The following STAMBPL1 variants were observed in gnomAD, a reference collection of about 807,000 sequenced individuals.
The protein encoded by STAMBPL1 is STAM binding protein like 1.
In STAMBPL1, 44 loss-of-function variants were observed where a neutral mutation model predicts 52.9. That is an observed-to-expected ratio of 0.83 (90% CI 0.65 to 1.07). The LOEUF is 1.07. STAMBPL1 is among the 50% of genes least tolerant of loss of function. STAMBPL1 has a pLI of 0.00. For missense variants in STAMBPL1, 511 were observed against 520.8 expected, an observed-to-expected ratio of 0.98 and a Z score of 0.18; for synonymous variants, 164 against 177.3, an observed-to-expected ratio of 0.92 and a Z score of 0.60.
chr10:88,894,331 G>A (rs1000467854), intron 1 of STAMBPL1, among the ~76,000 whole-genome samples: 4 of 151,916 alleles, frequency 2.6e-5, no homozygotes, highest in African/African-American at 9.7e-5. Flanking sequence ...GCCAGGGAAC[G>A]AAAGCATTCT....
rs1589381016 is a variant in STAMBPL1 at position 88,920,022 on chromosome 10, T to G, written c.1042-1261T>G. Among the ~76,000 whole-genome samples, 10 of 152,172 alleles carry G rather than the reference T, an allele frequency of 6.6e-5. No homozygotes were observed. In the South Asian group the frequency reaches 1.7e-3, roughly 25 times the overall value. On this transcript the variant is annotated intron_variant, in intron 8 of 10. Coordinates refer to ENST00000371926, the MANE Select transcript of STAMBPL1 (RefSeq NM_020799.4). ...TAGCTAATTAAAAAAACTTTTTTTT[T>G]GTTTGTTTTGGAGAGATGGAGTCTA...
At position 88,923,220 on chromosome 10, in the gene STAMBPL1, G is replaced by C; in HGVS notation, c.1307G>C (p.Arg436Thr). 1 of 1,605,058 alleles carries C rather than the reference G, an allele frequency of 6.2e-7. No individual in the cohort carries two copies. The highest frequency in any genetic ancestry group is 8.5e-7 in the Non-Finnish European group (1 of 1,177,884). ...KDIKIIVLDL[R>T] ...ATAAAAATAATTGTGTTGGATCTGA[G>C]GTGATATGTTCTGAATGTAAGCACC... is the stretch of plus-strand genomic sequence containing the variant. Residue 436 changes from arginine (R) to threonine (T), a missense_variant, in exon 11 of 11, where the codon AGG becomes ACG. Transcript: ENST00000371926.
intron 1 of STAMBPL1, among the ~76,000 whole-genome samples, chr10:88,898,243 G>A (rs1844859746): frequency 6.6e-6 from 1 of 152,128 alleles, no homozygotes; most frequent in African/African-American, 2.4e-5. Flanking sequence ...GAGTATGCAA[G>A]TAAGCATTCC....
chr10:88,916,596 T>G, intron 7 of STAMBPL1, 84 bp from the exon 8 acceptor site: 1 of 1,410,592 alleles, frequency 7.1e-7, no homozygotes, highest in Admixed American at 2.6e-5. Context: ...GGGGACTCTT[T>G]AGTCTTAAAC....
chr10:88,908,731 G>C lies in STAMBPL1; in HGVS notation c.278G>C (p.Arg93Pro), dbSNP rs181446155. The change falls in exon 4 of 11, where the codon CGA becomes CCA. Residue 93 changes from arginine (R) to proline (P), a missense_variant. This residue lies in a region of STAMBPL1 where 358 missense variants were observed against 343.5 expected (regional missense o/e 1.04). Transcript: ENST00000371926. The part of the protein sequence containing the change: ...TLFVEKLPNH[R>P]DYQQCAVPEK... ...TTTGTAGAAAAGCTTCCTAACCATC[G>C]AGATTACCAGCAATGTGCAGTACCT... 9 of 1,609,392 alleles carry C rather than the reference G, an allele frequency of 5.6e-6. No homozygotes were observed.
chr10:88,921,392 A>G lies in STAMBPL1; in HGVS notation c.1151A>G (p.Lys384Arg). The G allele has an allele frequency of 6.2e-7, 1 of 1,611,770 alleles. No individual in the cohort carries two copies. The highest frequency in any genetic ancestry group is 2.2e-5 in the East Asian group (1 of 44,836). ...GCCATTGTTTGCTCACCAAAGCATAAAGAGTAAGTGTAACTCTTCAGGGGA... is the reference window on the plus strand; with the variant it reads ...GCCATTGTTTGCTCACCAAAGCATAGAGAGTAAGTGTAACTCTTCAGGGGA... ...AIAIVCSPKH[K>R]DTGIFRLTNA... Residue 384 changes from lysine (K) to arginine (R), a missense_variant, in exon 9 of 11, where the codon AAA becomes AGA. Lys to Arg is a conservative substitution (Grantham distance 26). This residue lies in a region of STAMBPL1 where 137 missense variants were observed against 139.9 expected (regional missense o/e 0.98). Transcript: ENST00000371926.
intron 1 of STAMBPL1, among the ~76,000 whole-genome samples, chr10:88,890,395 C>T (rs1385958262): frequency 6.6e-6 from 1 of 152,184 alleles, no homozygotes; most frequent in African/African-American, 2.4e-5. Flanking sequence ...GAAACAAATA[C>T]AACAACTAGG....
intron 7 of STAMBPL1, among the ~76,000 whole-genome samples, 199 bp from the exon 8 acceptor site, chr10:88,916,481 A>G (rs1447604688): frequency 6.8e-6 from 1 of 146,946 alleles, no homozygotes; most frequent in Non-Finnish European, 1.5e-5. Flanking sequence ...CAAAGAATCC[A>G]TTTTTACTGT....
chr10:88,914,743 A>G (rs1264920560), intron 7 of STAMBPL1, 85 bp downstream of exon 7: 1 of 547,560 alleles, frequency 1.8e-6, no homozygotes, highest in Non-Finnish European at 2.6e-6. Context: ...GATAAGTGGA[A>G]CAGAATAAAA....
chr10:88,923,326 T>A lies in STAMBPL1; in HGVS notation c.*102T>A. 1 of 1,437,176 alleles carries A rather than the reference T, an allele frequency of 7.0e-7. No individual in the cohort carries two copies. The highest frequency in any genetic ancestry group is 9.1e-7 in the Non-Finnish European group (1 of 1,097,708). 89.0% of individuals were successfully genotyped at this position (1,437,176 alleles called of 1,614,324 possible). On this transcript the variant is annotated 3_prime_UTR_variant, in exon 11 of 11. Coordinates refer to ENST00000371926, the MANE Select transcript of STAMBPL1 (RefSeq NM_020799.4). ...TTCCAGAAATGACTGATATTTTATATTTATACATTTTAGATGACAAAGCTT... is the reference window on the plus strand; with the variant it reads ...TTCCAGAAATGACTGATATTTTATAATTATACATTTTAGATGACAAAGCTT...
At chr10:88,921,260 A>C in intron 8 of STAMBPL1, 23 bp from the exon 9 acceptor site, 2 of 1,588,416 alleles carry the variant, frequency 1.3e-6, no homozygotes, top group African/African-American at 1.3e-5. Context: ...TCCTAGTAAG[A>C]TTATCTTATT....
intron 1 of STAMBPL1, among the ~76,000 whole-genome samples, chr10:88,885,347 G>C (rs1270000240): frequency 6.6e-6 from 1 of 152,054 alleles, no homozygotes; most frequent in Admixed American, 6.6e-5. Flanking sequence ...GATTATAACT[G>C]TTTCTCCTTG....
At chr10:88,908,648 A>G in intron 3 of STAMBPL1, 54 bp from the exon 4 acceptor site, 1 of 1,415,314 alleles carries the variant, frequency 7.1e-7, no homozygotes, top group African/African-American at 1.4e-5. Context: ...ATTAGAAAGC[A>G]TTATTGAACT....
intron 3 of STAMBPL1, among the ~76,000 whole-genome samples, chr10:88,907,421 A>G (rs1461832487): frequency 2.6e-5 from 4 of 152,220 alleles, no homozygotes; most frequent in Non-Finnish European, 4.4e-5. Context: ...GTTATTCTCC[A>G]CCATTGATAG....
intron 2 of STAMBPL1, among the ~76,000 whole-genome samples, chr10:88,905,140 A>G (rs1406551092): frequency 6.6e-6 from 1 of 152,150 alleles, no homozygotes; most frequent in African/African-American, 2.4e-5. Context: ...AGGAGCAATG[A>G]TATTTTACCT....
Position 88,921,158 on chromosome 10 carries a change from T to C in STAMBPL1, c.1042-125T>C, listed in dbSNP as rs987942780. On this transcript the variant is annotated intron_variant, in intron 8 of 10. Coordinates refer to ENST00000371926, the MANE Select transcript of STAMBPL1 (RefSeq NM_020799.4). ...GGAAGGATTATGTCAGCAAAACCTTTTTAAAAATCCTTATTTGATTAATGA... is the reference window on the plus strand; with the variant it reads ...GGAAGGATTATGTCAGCAAAACCTTCTTAAAAATCCTTATTTGATTAATGA... 3 of 698,240 alleles carry C rather than the reference T, an allele frequency of 4.3e-6. No homozygotes were observed. In the Admixed American group the frequency reaches 8.9e-5, roughly 21 times the overall value. The allele number at this position is 698,240 out of a possible 1,614,324, so 43.3% of individuals were successfully genotyped here. A position where few individuals can be genotyped will look rare whatever the true frequency, so the allele number is the denominator to read the frequency against.
chr10:88,908,818 C>T (rs2133184987), intron 4 of STAMBPL1, 41 bp downstream of exon 4: 1 of 1,469,746 alleles, frequency 6.8e-7, no homozygotes. Flanking sequence ...TCAAATGCTC[C>T]ATAAGTATCC....
chr10:88,904,656 G>A (rs987091630), intron 2 of STAMBPL1, among the ~76,000 whole-genome samples: 2 of 152,060 alleles, frequency 1.3e-5, no homozygotes, highest in African/African-American at 2.4e-5. Context: ...CTGAAGCACC[G>A]ACTTTTTATT....
At chr10:88,897,470 G>T (rs974492072) in intron 1 of STAMBPL1, among the ~76,000 whole-genome samples, 62 of 152,318 alleles carry the variant, frequency 4.1e-4, no homozygotes, top group Middle Eastern at 3.4e-3. Flanking sequence ...GAAGGCAAGA[G>T]CTCTGAAGCA....
Sources: allele counts gnomAD v4.1 joint callset (sites outside exome capture counted in the v4.1 genomes callset), GRCh38; gene constraint gnomAD v4.1.1; regional missense constraint gnomAD v4.1.1; transcripts MANE v1.5; gene names NCBI Gene and HGNC (gene_info 2026-07-23, HGNC 2026-07-21).